Variants in DST observed in about 807,000 individuals in gnomAD.
The protein encoded by DST is bullous pemphigoid antigen.
Under a neutral mutation model 875.2 loss-of-function variants are expected in DST, and 253 were observed. The ratio of observed to expected loss-of-function variants is 0.29; its 90% CI spans 0.26 to 0.32. The LOEUF is 0.32. Ranked by LOEUF, DST falls within the 10% of genes least tolerant of loss-of-function variation. The probability of loss-of-function intolerance (pLI) is 1.00; values close to 1 mark genes in which losing one functional copy is unlikely to be tolerated. For missense variants in DST, 8,287 were observed against 9,111.6 expected (o/e 0.91, Z 3.68); for synonymous variants, 3,124 against 3,197.1 (o/e 0.98, Z 0.77).
chr6:56,636,393 CGTAT>C (rs1190450805), intron 23 of DST, among the ~76,000 whole-genome samples, 160 bp downstream of exon 23: 2 of 147,376 alleles, frequency 1.4e-5, no homozygotes, highest in African/African-American at 2.5e-5. Flanking sequence ...TATGTGTATA[CGTAT>C]GTGTGTATAT....
intron 4 of DST, among the ~76,000 whole-genome samples, chr6:56,821,875 AC>A: frequency 6.6e-6 from 1 of 152,140 alleles, no homozygotes; most frequent in East Asian, 1.9e-4. Flanking sequence ...CTCAGACTAG[AC>A]TTTTTTCCCT....
At chr6:56,880,702 G>GAA (rs1278713001) in intron 3 of DST, among the ~76,000 whole-genome samples, 1 of 89,746 alleles carries the variant, frequency 1.1e-5, no homozygotes, top group Non-Finnish European at 2.5e-5. Flanking sequence ...AAAGAAAAAA[G>GAA]AAAAAAAAAA....
chr6:56,762,844 CTTTTTTTTTTT>C (rs869153143), intron 4 of DST, among the ~76,000 whole-genome samples: 1 of 111,898 alleles, frequency 8.9e-6, no homozygotes, highest in Non-Finnish European at 1.8e-5. Flanking sequence ...AGAACACCAC[CTTTTTTTTTTT>C]TTTTTTTTTT....
intron 2 of DST, among the ~76,000 whole-genome samples, chr6:56,901,694 T>G (rs1794216681): frequency 6.6e-6 from 1 of 152,154 alleles, no homozygotes; most frequent in South Asian, 2.1e-4. Context: ...TGTAAAATTC[T>G]AAGCATGGTA....
chr6:56,668,710 GTGAGC>G (rs1283323882), intron 10 of DST, among the ~76,000 whole-genome samples: 4 of 152,080 alleles, frequency 2.6e-5, no homozygotes. Context: ...AGAGGTTGCA[GTGAGC>G]TGAGATCATG....
intron 61 of DST, among the ~76,000 whole-genome samples, chr6:56,537,310 A>C (rs931368418): frequency 6.6e-6 from 1 of 152,230 alleles, no homozygotes; most frequent in Non-Finnish European, 1.5e-5. Context: ...GCTAAAGAGC[A>C]AAAATATAAA....
Position 56,606,704 on chromosome 6 carries a change from CG to C in DST, c.7923del (p.Tyr2641Ter). ...TCATCATTTTCCTCTTGCAGTGTGT[CG>C]TAGTCCTCAGGGTGCAGGCAATCAC... ...DDRDCLHPED[Y>X]DTLQEENDET... On this transcript the variant is annotated frameshift_variant, in exon 40 of 104. Transcript: ENST00000680361. LOFTEE classifies it high-confidence loss of function. 1 of 1,613,478 alleles carries C rather than the reference CG, an allele frequency of 6.2e-7. No homozygotes were observed. Among genetic ancestry groups the C allele is most frequent in the Non-Finnish European group, 8.5e-7 (1 of 1,179,624 alleles).
At chr6:56,722,398 TTTTG>T (rs2099422619) in intron 5 of DST, among the ~76,000 whole-genome samples, 2 of 146,546 alleles carry the variant, frequency 1.4e-5, no homozygotes, top group East Asian at 2.5e-4. Context: ...ATTTATTTAT[TTTTG>T]AGACGAAGTC....
At chr6:56,704,900 C>A (rs763946770) in intron 5 of DST, among the ~76,000 whole-genome samples, 22 of 152,090 alleles carry the variant, frequency 1.4e-4, no homozygotes, top group Non-Finnish European at 3.2e-4. Context: ...TTTTGAAATC[C>A]GTATGTGTCA....
In DST at chr6:56,533,081, A is replaced by G. The variant is rs192705052; in HGVS notation, c.16942-571T>C. 8.7e-4 allele frequency among the ~76,000 whole-genome samples: 132 copies of G among 152,328 alleles called. 2 individuals are homozygous for G. Among genetic ancestry groups the G allele is most frequent in the African/African-American group, 3.0e-3 (126 of 41,584 alleles). On this transcript the variant is annotated intron_variant, in intron 63 of 103. Coordinates refer to ENST00000680361, the MANE Select transcript of DST (RefSeq NM_001374736.1). ...TCCTAAAATCTGTGTGAGGCTGCAA[A>G]CTAAAACAGCTTTTACACATCATTG...
chr6:56,844,737 G>A (rs1330708502), intron 4 of DST, among the ~76,000 whole-genome samples: 1 of 152,132 alleles, frequency 6.6e-6, no homozygotes, highest in African/African-American at 2.4e-5. Context: ...GCCGGGCGTG[G>A]TGGCGGGTAC....
intron 4 of DST, among the ~76,000 whole-genome samples, chr6:56,782,705 T>C (rs931149168): frequency 3.3e-5 from 5 of 152,200 alleles, no homozygotes; most frequent in Admixed American, 6.5e-5. Context: ...TTGAAGGGTT[T>C]TTTGTGTCTC....
At chr6:56,633,129 C>T in intron 27 of DST, 92 bp from the exon 28 acceptor site, 1 of 953,430 alleles carries the variant, frequency 1.0e-6, no homozygotes, top group Non-Finnish European at 1.7e-6. Flanking sequence ...ATATGCCAAT[C>T]TAAACGAATA....
chr6:56,473,236 T>C (rs538207545), intron 93 of DST, among the ~76,000 whole-genome samples: 3 of 152,352 alleles, frequency 2.0e-5, no homozygotes, highest in South Asian at 2.1e-4. Flanking sequence ...TCTCCTTGTG[T>C]AGTAAGTAAT....
In DST at chr6:56,758,785, G is replaced by A. The variant is rs573923588; in HGVS notation, c.626-23496C>T. 2.0e-5 allele frequency among the ~76,000 whole-genome samples: 3 copies of A among 152,290 alleles called. No individual in the cohort carries two copies. The East Asian group carries it at 5.8e-4, about 29-fold the overall frequency. On this transcript the variant is annotated intron_variant, in intron 4 of 103. Coordinates refer to ENST00000680361, the MANE Select transcript of DST (RefSeq NM_001374736.1). The stretch of plus-strand genomic sequence containing the variant: ...TTCAAGGTAGTCAAACTACTTTGTG[G>A]TAATTCAAGGTTCTAAAAGCAACGG...
At chr6:56,771,910 T>A (rs1028932278) in intron 4 of DST, among the ~76,000 whole-genome samples, 2 of 152,164 alleles carry the variant, frequency 1.3e-5, no homozygotes, top group Non-Finnish European at 2.9e-5. Flanking sequence ...TAACATTGCA[T>A]TGAAGAGTCA....
chr6:56,951,076 A>G (rs1023023111), intron 2 of DST, among the ~76,000 whole-genome samples: 2 of 152,184 alleles, frequency 1.3e-5, no homozygotes, highest in East Asian at 3.8e-4. Context: ...TATTTCTCTG[A>G]CTACCTGAAA....
Position 56,526,348 on chromosome 6 carries a change from C to T in DST, c.18129+13G>A, listed in dbSNP as rs1169186767. On this transcript the variant is annotated intron_variant, in intron 69 of 103. Coordinates refer to ENST00000680361, the MANE Select transcript of DST (RefSeq NM_001374736.1). ...AAAATTTATTGCCTAAACAACAAAC[C>T]ATTTTTCCCTACCTGCTGTGATCGC... 1.2e-6 allele frequency: 2 copies of T among 1,612,926 alleles called. No homozygotes were observed. The highest frequency in any genetic ancestry group is 1.7e-6 in the Non-Finnish European group (2 of 1,179,412).
intron 36 of DST, chr6:56,618,840 T>A: frequency 1.9e-6 from 3 of 1,614,200 alleles, no homozygotes; most frequent in Non-Finnish European, 2.5e-6. Context: ...CTGTGGGTCA[T>A]CTGCTCCTCT....
Sources: gnomAD v4.1 joint callset for allele counts (sites outside exome capture counted in the v4.1 genomes callset) on GRCh38, gnomAD v4.1.1 for gene constraint, MANE v1.5 for transcripts, NCBI Gene and HGNC (gene_info 2026-07-23, HGNC 2026-07-21) for gene names.